Variants in NUMA1 observed in about 807,000 individuals in gnomAD.
NUMA1 encodes the protein nuclear mitotic apparatus protein 1, also known as SP-H antigen.
In NUMA1, 62 loss-of-function variants were observed where a neutral mutation model predicts 237.1. The observed-to-expected ratio is 0.26, with a 90% CI of 0.21 to 0.32. The LOEUF is 0.32. Among genes scored for constraint, NUMA1 ranks in the 10% least tolerant of loss-of-function variants. The pLI, the probability that NUMA1 is intolerant of heterozygous loss-of-function variation, is 1.00. For synonymous variants in NUMA1, 1,028 were observed against 1,066.1 expected (o/e 0.96, Z 0.70); for missense variants, 2,533 against 2,666.5 (o/e 0.95, Z 1.10).
Position 72,016,506 on chromosome 11 carries a change from T to C in NUMA1, c.1144A>G (p.Ile382Val). The C allele has an allele frequency of 6.2e-7, 1 of 1,614,014 alleles. No homozygotes were observed. Among genetic ancestry groups the C allele is most frequent in the Non-Finnish European group, 8.5e-7 (1 of 1,180,026 alleles). Residue 382 changes from isoleucine (I) to valine (V), a missense_variant, in exon 14 of 27, where the codon ATC (isoleucine) becomes GTC (valine). This residue lies in a region of NUMA1 where 1,414 missense variants were observed against 1,508.1 expected (regional missense o/e 0.94). Coordinates refer to ENST00000393695, the MANE Select transcript of NUMA1 (RefSeq NM_006185.4). ...AGCTGTGAAAGTTTTCCCTGAAGGATTTCGTTCTTCTCTTCAAGGCATTTC... is the reference window on the plus strand; with the variant it reads ...AGCTGTGAAAGTTTTCCCTGAAGGACTTCGTTCTTCTCTTCAAGGCATTTC... ...DKKCLEEKNE[I>V]LQGKLSQLEE...
chr11:72,053,767 T>C (rs1942489775), intron 2 of NUMA1, among the ~76,000 whole-genome samples: 1 of 152,242 alleles, frequency 6.6e-6, no homozygotes, highest in Admixed American at 6.5e-5. Context: ...TATCCATGGG[T>C]TCCACATGTG....
intron 2 of NUMA1, chr11:72,066,133 C>G (rs985255805): frequency 6.6e-6 from 1 of 151,154 alleles, no homozygotes; most frequent in Admixed American, 6.6e-5. Context: ...TGGAGAAACC[C>G]CATCTCTACT....
At chr11:72,038,506 C>T (rs1184227856) in intron 2 of NUMA1, among the ~76,000 whole-genome samples, 1 of 152,062 alleles carries the variant, frequency 6.6e-6, no homozygotes, top group Non-Finnish European at 1.5e-5. Flanking sequence ...TCAGGAGAGC[C>T]CCAGCCATTC....
At position 72,015,067 on chromosome 11, in the gene NUMA1, G is replaced by C. The variant is rs770517808; in HGVS notation, c.2436C>G (p.Ala812=). The change falls in exon 15 of 27, where the codon GCC becomes GCG. Residue 812 remains alanine, a synonymous_variant. Transcript: ENST00000393695. This position sits in a 1 kb window ranked among gnomAD's most constrained non-coding sequence, Gnocchi z 4.0. ...GGCTATCCTCATACCGCTCACGCCAGGCAGCTACTTCTTTGACGAGCTGCT... is the reference window on the plus strand; with the variant it reads ...GGCTATCCTCATACCGCTCACGCCACGCAGCTACTTCTTTGACGAGCTGCT... ...ECEQLVKEVA[A]WRERYEDSQQ... The C allele has an allele frequency of 1.5e-5, 25 of 1,614,090 alleles. No homozygotes were observed. The East Asian group carries it at 2.5e-4, about 16-fold the overall frequency.
Position 72,003,315 on chromosome 11 carries a change from G to T in NUMA1, c.*212C>A. 1.7e-6 allele frequency: 1 copy of T among 602,632 alleles called. No homozygotes were observed. The allele number at this position is 602,632 out of a possible 1,614,324, so 37.3% of individuals were successfully genotyped here. ...GCAAGGTAGGGAGAGCGCCCACACT[G>T]TCCATGCTCCAGGCCCCCTGGGCCA... On this transcript the variant is annotated 3_prime_UTR_variant, in exon 27 of 27. Transcript: ENST00000393695.
chr11:72,014,594 A>G lies in NUMA1; in HGVS notation c.2909T>C (p.Met970Thr), dbSNP rs1441138284. The G allele has an allele frequency of 1.2e-6, 2 of 1,606,162 alleles. No individual in the cohort carries two copies. Among genetic ancestry groups the G allele is most frequent in the Non-Finnish European group, 1.7e-6 (2 of 1,179,976 alleles). Reference protein sequence around the residue: ...FCSTQAALQAMEREAEQMGNE... With the variant: ...FCSTQAALQATEREAEQMGNE... ...GCCCATCTGCTCTGCCTCCCGCTCCATAGCCTGCAGCGCTGCCTGTGTGCT... is the reference window on the plus strand; with the variant it reads ...GCCCATCTGCTCTGCCTCCCGCTCCGTAGCCTGCAGCGCTGCCTGTGTGCT... Residue 970 changes from methionine to threonine, a missense_variant, in exon 15 of 27, where the codon ATG (methionine) becomes ACG (threonine). By Grantham distance (81) the Met-to-Thr change is moderately conservative (BLOSUM62 -1). Transcript: ENST00000393695. This position sits in a 1 kb window ranked among gnomAD's most constrained non-coding sequence, Gnocchi z 4.6.
At chr11:72,042,046 C>G (rs1194055861) in intron 2 of NUMA1, 1 of 152,296 alleles carries the variant, frequency 6.6e-6, no homozygotes, top group Non-Finnish European at 1.5e-5. Context: ...GGGGCCAAGG[C>G]ACGAGACCGA....
At chr11:72,038,714 C>A (rs1276448792) in intron 2 of NUMA1, among the ~76,000 whole-genome samples, 1 of 151,998 alleles carries the variant, frequency 6.6e-6, no homozygotes, top group Non-Finnish European at 1.5e-5. Flanking sequence ...CAGATCCTTG[C>A]GATTGTAGCC....
At chr11:72,009,586 T>G (rs1221515252) in intron 17 of NUMA1, among the ~76,000 whole-genome samples, 199 bp from the exon 18 acceptor site, 1 of 152,200 alleles carries the variant, frequency 6.6e-6, no homozygotes, top group Non-Finnish European at 1.5e-5. Context: ...TCAGTCCACA[T>G]CCGTAGTGGC....
In NUMA1 at chr11:72,015,778, C is replaced by T. The variant is rs772698005; in HGVS notation, c.1725G>A (p.Glu575=). ...QQLKEVAEKQ[E]ATRQDHAQQL... The stretch of plus-strand genomic sequence containing the variant: ...GCTGGGCATGGTCCTGCCTAGTTGC[C>T]TCCTGCTTCTCCGCTACCTCCTTCA... The change falls in exon 15 of 27, where the codon GAG becomes GAA. Residue 575 remains glutamate (E), a synonymous_variant. Coordinates refer to ENST00000393695, the MANE Select transcript of NUMA1 (RefSeq NM_006185.4). This position sits in a 1 kb window ranked among gnomAD's most constrained non-coding sequence, Gnocchi z 4.0. 17 of 1,614,234 alleles carry T rather than the reference C, an allele frequency of 1.1e-5. No individual in the cohort carries two copies. Among genetic ancestry groups the T allele is most frequent in the Non-Finnish European group, 1.4e-5 (16 of 1,180,054 alleles).
At position 72,007,781 on chromosome 11, in the gene NUMA1, C is replaced by G. The variant is rs550729323; in HGVS notation, c.5217-346G>C. 1.8e-5 allele frequency: 7 copies of G among 379,342 alleles called. No homozygotes were observed. In the East Asian group the frequency reaches 3.6e-4, roughly 20 times the overall value. The allele number at this position is 379,342 out of a possible 1,614,324, so 23.5% of individuals were successfully genotyped here. A position where few individuals can be genotyped will look rare whatever the true frequency, so the allele number is the denominator to read the frequency against. On this transcript the variant is annotated intron_variant, in intron 20 of 26. Transcript: ENST00000393695. ...CATTTCAGTGAATAGGAACGCCCCC[C>G]ACTCAGGCCCCCAAGCCATGAACGT...
intron 2 of NUMA1, among the ~76,000 whole-genome samples, chr11:72,036,653 T>C (rs758865501): frequency 2.6e-5 from 4 of 152,204 alleles, no homozygotes; most frequent in African/African-American, 7.2e-5. Flanking sequence ...AAATGGGGGA[T>C]TGAGAATATC....
In NUMA1 at chr11:72,023,095, C is replaced by T. The variant is rs1939113020; in HGVS notation, c.261G>A (p.Val87=). Residue 87 remains valine (V), a synonymous_variant, in exon 6 of 27, where the codon GTG becomes GTA. Transcript: ENST00000393695. ...CCAGTTCCAGCTCTGATCCCTCTAG[C>T]ACCTTCTGTGCAGATACCAGGCATT... ...SPECLVSAQK[V]LEGSELELAK... is the part of the protein sequence containing the mutation. The T allele has an allele frequency of 3.1e-6, 5 of 1,613,992 alleles. No homozygotes were observed. Among genetic ancestry groups the T allele is most frequent in the Non-Finnish European group, 4.2e-6 (5 of 1,179,914 alleles).
intron 2 of NUMA1, chr11:72,049,565 A>ATATATATATATATATATATATATATT (rs1232488803): frequency 5.5e-5 from 1 of 18,240 alleles, no homozygotes; most frequent in Non-Finnish European, 3.1e-4. Flanking sequence ...ATAATAATAT[A>ATATATATATATATATATATATATATT]TATATATATA....
chr11:72,004,509 T>G, intron 24 of NUMA1, 131 bp downstream of exon 24: 2 of 1,230,878 alleles, frequency 1.6e-6, no homozygotes, highest in Non-Finnish European at 2.3e-6. Flanking sequence ...CATCCATGGG[T>G]CAGGCCCTTG....
At chr11:72,064,885 T>G (rs1308289521) in intron 2 of NUMA1, among the ~76,000 whole-genome samples, 1 of 152,160 alleles carries the variant, frequency 6.6e-6, no homozygotes. Context: ...TATGGCCCCA[T>G]TTTTGAAACT....
At chr11:72,040,971 G>A (rs1264474596) in intron 2 of NUMA1, 1 of 152,042 alleles carries the variant, frequency 6.6e-6, no homozygotes, top group Non-Finnish European at 1.5e-5. Flanking sequence ...GACTCCTAAA[G>A]CCAAACGTAT....
chr11:72,024,203 T>C, intron 5 of NUMA1, 71 bp downstream of exon 5: 1 of 1,391,130 alleles, frequency 7.2e-7, no homozygotes, highest in Non-Finnish European at 1.0e-6. Context: ...CATGAACTAG[T>C]TCCTCTGGAC....
chr11:72,058,438 T>A (rs1474131153), intron 2 of NUMA1, among the ~76,000 whole-genome samples: 1 of 152,212 alleles, frequency 6.6e-6, no homozygotes, highest in African/African-American at 2.4e-5. Flanking sequence ...ACTCATACTT[T>A]TAAAAAGCTA....
Sources: gnomAD v4.1 joint callset for allele counts (sites outside exome capture counted in the v4.1 genomes callset) on GRCh38, gnomAD v4.1.1 for gene constraint, gnomAD v4.1.1 regional missense constraint, Gnocchi (gnomAD v3.1) non-coding constraint, MANE v1.5 for transcripts, NCBI Gene and HGNC (gene_info 2026-07-23, HGNC 2026-07-21) for gene names.